Variants in NRXN1 observed in about 807,000 individuals in gnomAD.
NRXN1 encodes the protein neurexin-1.
A neutral mutation model predicts 150.9 loss-of-function variants in NRXN1; 39 were observed. The observed-to-expected ratio is 0.26, with a 90% CI of 0.20 to 0.34. The LOEUF is 0.34. Ranked by LOEUF, NRXN1 falls within the 10% of genes least tolerant of loss-of-function variation. NRXN1 has a pLI of 1.00. For missense variants in NRXN1, 1,815 were observed against 1,949.9 expected, an observed-to-expected ratio of 0.93 and a Z score of 1.30; for synonymous variants, 924 against 757.0, an observed-to-expected ratio of 1.22 and a Z score of -3.62.
chr2:50,089,261 A>C (rs771285701), intron 19 of NRXN1, among the ~76,000 whole-genome samples: 16 of 152,210 alleles, frequency 1.1e-4, no homozygotes, highest in Non-Finnish European at 2.1e-4. Flanking sequence ...TCAAGAGGCA[A>C]ATGCCACACT....
chr2:50,338,915 A>G (rs115284211), intron 17 of NRXN1, among the ~76,000 whole-genome samples: 1,629 of 152,296 alleles, frequency 0.011, 25 homozygotes, highest in African/African-American at 0.037. Context: ...TAAAATTAAA[A>G]ATTTCAGAAT....
chr2:50,070,661 TC>T (rs1696128262), intron 19 of NRXN1, among the ~76,000 whole-genome samples: 1 of 149,316 alleles, frequency 6.7e-6, no homozygotes, highest in Admixed American at 6.7e-5. Flanking sequence ...TCCCAGCTAC[TC>T]GGGAGGCTGA....
chr2:50,339,301 C>G (rs2077393809), intron 17 of NRXN1, among the ~76,000 whole-genome samples: 1 of 151,872 alleles, frequency 6.6e-6, no homozygotes, highest in East Asian at 1.9e-4. Context: ...AACAAGTCAC[C>G]AAATATATAC....
At chr2:50,004,539 T>C (rs765159703) in intron 21 of NRXN1, among the ~76,000 whole-genome samples, 11 of 152,168 alleles carry the variant, frequency 7.2e-5, no homozygotes, top group Admixed American at 1.3e-4. Context: ...AGCCTCATGG[T>C]TGCAAAACTG....
intron 17 of NRXN1, among the ~76,000 whole-genome samples, chr2:50,401,034 T>C (rs2082357841): frequency 1.3e-5 from 2 of 152,274 alleles, no homozygotes; most frequent in South Asian, 4.1e-4. Flanking sequence ...ATTGTGGACC[T>C]TTTCTGATAC....
intron 9 of NRXN1, among the ~76,000 whole-genome samples, chr2:50,546,040 T>G (rs953794388): frequency 6.6e-6 from 1 of 152,092 alleles, no homozygotes; most frequent in African/African-American, 2.4e-5. Flanking sequence ...GTTGATTGAA[T>G]CCACAGATGC....
chr2:50,485,519 G>A lies in NRXN1; in HGVS notation c.3070+10386C>T, dbSNP rs368064750. On this transcript the variant is annotated intron_variant, in intron 15 of 22. Coordinates refer to ENST00000401669, the MANE Select transcript of NRXN1 (RefSeq NM_001330078.2). ...AGGATGCAGAACTGGCACCCGACAC[G>A]CTGAGAAAACTTTAAAGAGGTCAAG... Among the ~76,000 whole-genome samples, 82 of 152,280 alleles carry A rather than the reference G, an allele frequency of 5.4e-4. 1 individual carries two copies. In the South Asian group the frequency reaches 0.012, roughly 22 times the overall value.
At chr2:50,348,022 C>T (rs2152998840) in intron 17 of NRXN1, among the ~76,000 whole-genome samples, 2 of 152,274 alleles carry the variant, frequency 1.3e-5, no homozygotes, top group Middle Eastern at 3.4e-3. Flanking sequence ...ACTACAATGG[C>T]AAATGGCACC....
At chr2:50,969,343 C>CA (rs1170136511) in intron 2 of NRXN1, among the ~76,000 whole-genome samples, 2 of 152,034 alleles carry the variant, frequency 1.3e-5, no homozygotes, top group South Asian at 2.1e-4. Flanking sequence ...AGAAGGCACT[C>CA]AAAAAATATT....
chr2:50,088,873 T>C lies in NRXN1; in HGVS notation c.3718+2450A>G, dbSNP rs1699167798. Among the ~76,000 whole-genome samples the C allele has an allele frequency of 1.3e-5, 2 of 152,196 alleles. 1 individual carries two copies. The highest frequency in any genetic ancestry group is 4.1e-4 in the South Asian group (2 of 4,828). ...TCTTTTTTGAACTATATTCAGTACA[T>C]GGCATCTGGTATGTGCACAGTCAAA... is the stretch of plus-strand genomic sequence containing the variant. On this transcript the variant is annotated intron_variant, in intron 19 of 22. Coordinates refer to ENST00000401669, the MANE Select transcript of NRXN1 (RefSeq NM_001330078.2).
chr2:50,287,794 C>T (rs1459061631), intron 17 of NRXN1, among the ~76,000 whole-genome samples: 14 of 152,086 alleles, frequency 9.2e-5, no homozygotes, highest in Admixed American at 9.2e-4. Context: ...CCATATGTTG[C>T]AGCACGCTTA....
intron 2 of NRXN1, among the ~76,000 whole-genome samples, chr2:51,026,120 C>T (rs1197611618): frequency 6.6e-6 from 1 of 152,164 alleles, no homozygotes; most frequent in African/African-American, 2.4e-5. Flanking sequence ...ATAAGATTTA[C>T]AAAGGCTAGT....
chr2:50,616,154 T>C (rs182674660), intron 8 of NRXN1: 1 of 152,174 alleles, frequency 6.6e-6, no homozygotes. Context: ...AGACTTTGAT[T>C]TACTTGTGAT....
chr2:50,914,953 C>A (rs1222262252), intron 5 of NRXN1, among the ~76,000 whole-genome samples: 1 of 151,418 alleles, frequency 6.6e-6, no homozygotes, highest in Non-Finnish European at 1.5e-5. Flanking sequence ...TCACCAGATT[C>A]CTTCCTCTGG....
At chr2:50,645,152 T>C (rs960041256) in intron 5 of NRXN1, among the ~76,000 whole-genome samples, 17 of 151,916 alleles carry the variant, frequency 1.1e-4, no homozygotes, top group Non-Finnish European at 1.9e-4. Flanking sequence ...ATGCAGCATC[T>C]GGCTGGAACA....
At chr2:50,666,028 C>T (rs553649261) in intron 5 of NRXN1, among the ~76,000 whole-genome samples, 31 of 151,986 alleles carry the variant, frequency 2.0e-4, no homozygotes, top group Middle Eastern at 3.4e-3. Context: ...ATACATTTTT[C>T]GAGCCTCTTT....
chr2:50,913,725 C>G (rs547387556), intron 5 of NRXN1, among the ~76,000 whole-genome samples: 4 of 151,818 alleles, frequency 2.6e-5, no homozygotes, highest in African/African-American at 9.6e-5. Flanking sequence ...TGTGAATGGA[C>G]TATCATGGGG....
At chr2:50,833,579 G>A (rs1029762335) in intron 5 of NRXN1, among the ~76,000 whole-genome samples, 7 of 152,122 alleles carry the variant, frequency 4.6e-5, no homozygotes, top group African/African-American at 1.7e-4. Context: ...ACATTTATAC[G>A]ACATTCTCAA....
chr2:50,018,858 A>G (rs766829804), intron 21 of NRXN1, among the ~76,000 whole-genome samples: 28 of 152,220 alleles, frequency 1.8e-4, no homozygotes, highest in Non-Finnish European at 3.8e-4. Flanking sequence ...ATAACAAGAG[A>G]AATAGGCACA....
Sources: gnomAD v4.1 joint callset for allele counts (sites outside exome capture counted in the v4.1 genomes callset) on GRCh38, gnomAD v4.1.1 for gene constraint, MANE v1.5 for transcripts, NCBI Gene and HGNC (gene_info 2026-07-23, HGNC 2026-07-21) for gene names.